Variants in GRHL2 observed in about 807,000 individuals in gnomAD.
GRHL2 encodes grainyhead like transcription factor 2.
Under a neutral mutation model 83.8 loss-of-function variants are expected in GRHL2, and 21 were observed. The observed-to-expected ratio is 0.25, with a 90% CI of 0.18 to 0.36. The LOEUF is 0.36. Ranked by LOEUF, GRHL2 falls within the 10% of genes least tolerant of loss-of-function variation. The pLI, the probability that GRHL2 is intolerant of heterozygous loss-of-function variation, is 1.00. For synonymous variants in GRHL2, 280 were observed against 278.9 expected, an observed-to-expected ratio of 1.00 and a Z score of -0.04; for missense variants, 623 against 781.8, an observed-to-expected ratio of 0.80 and a Z score of 2.42.
the GRHL2 span, among the ~76,000 whole-genome samples, chr8:101,680,942 T>C: frequency 8.3e-6 from 1 of 120,824 alleles, no homozygotes; most frequent in Non-Finnish European, 1.7e-5. Flanking sequence ...TAGAGGGAAA[T>C]TTATAGCACT....
At chr8:101,554,672 T>C (rs1293865703) in intron 3 of GRHL2, among the ~76,000 whole-genome samples, 1 of 152,252 alleles carries the variant, frequency 6.6e-6, no homozygotes, top group Non-Finnish European at 1.5e-5. Flanking sequence ...TATAGTATCA[T>C]TACAACTGTT....
intron 8 of GRHL2, among the ~76,000 whole-genome samples, chr8:101,616,808 G>A (rs1812866978): frequency 6.6e-6 from 1 of 152,160 alleles, no homozygotes; most frequent in Non-Finnish European, 1.5e-5. Flanking sequence ...TATATCTAAT[G>A]TTGTGTTTGA....
intron 8 of GRHL2, among the ~76,000 whole-genome samples, chr8:101,616,751 G>C (rs1812865488): frequency 6.6e-6 from 1 of 152,086 alleles, no homozygotes; most frequent in Admixed American, 6.5e-5. Context: ...CTCCCTCTTG[G>C]ACTGTCAGCT....
intron 13 of GRHL2, among the ~76,000 whole-genome samples, chr8:101,645,281 T>C (rs2096552): frequency 0.99 from 150,210 of 151,632 alleles, 74,461 homozygotes; most frequent in Middle Eastern, 1. Context: ...TATAGGTGTG[T>C]GCCACCACGC....
chr8:101,498,516 T>C (rs541840694), intron 1 of GRHL2, among the ~76,000 whole-genome samples: 3 of 152,312 alleles, frequency 2.0e-5, no homozygotes, highest in Middle Eastern at 3.4e-3. Flanking sequence ...TGGTCTCTGG[T>C]GAAATGATTT....
Position 101,636,811 on chromosome 8 carries a change from A to G in GRHL2, c.1486-86A>G. On this transcript the variant is annotated intron_variant, in intron 11 of 15. Transcript: ENST00000646743. Reference sequence around the variant, plus strand: ...CTTTTGCCTTTTTAAGAGACAGTTTATGCCTTAGGAAAGTCTGTACATCAC... The same window carrying G: ...CTTTTGCCTTTTTAAGAGACAGTTTGTGCCTTAGGAAAGTCTGTACATCAC... The G allele has an allele frequency of 1.4e-5, 16 of 1,149,872 alleles. No homozygotes were observed. In the South Asian group the frequency reaches 1.8e-4, roughly 13 times the overall value. The allele number at this position is 1,149,872 out of a possible 1,614,324, so 71.2% of individuals were successfully genotyped here.
intron 1 of GRHL2, among the ~76,000 whole-genome samples, chr8:101,537,583 T>A (rs926277145): frequency 1.3e-5 from 2 of 152,226 alleles, no homozygotes; most frequent in African/African-American, 4.8e-5. Context: ...AGATCTATAA[T>A]GCACCAAGCA....
At chr8:101,602,883 G>A (rs564344535) in intron 8 of GRHL2, among the ~76,000 whole-genome samples, 123 of 152,238 alleles carry the variant, frequency 8.1e-4, no homozygotes, top group African/African-American at 2.8e-3. Context: ...TTTCTGCCCC[G>A]GAGCTCAGAG....
chr8:101,600,383 C>T (rs886276552), intron 8 of GRHL2, among the ~76,000 whole-genome samples: 4 of 152,254 alleles, frequency 2.6e-5, no homozygotes, highest in African/African-American at 9.6e-5. Flanking sequence ...CATGTGCTTT[C>T]GGCACTTTGT....
At chr8:101,589,166 G>T (rs1812225895) in intron 7 of GRHL2, among the ~76,000 whole-genome samples, 1 of 152,184 alleles carries the variant, frequency 6.6e-6, no homozygotes, top group Non-Finnish European at 1.5e-5. Context: ...TTCATGCAGT[G>T]TTTTAAGCAT....
rs182936430 is a variant in GRHL2 at position 101,599,224 on chromosome 8, G to A, written c.1098+73G>A. 2,037 of 985,842 alleles carry A rather than the reference G, an allele frequency of 2.1e-3. 3 individuals carry two copies. Among genetic ancestry groups the A allele is most frequent in the Non-Finnish European group, 2.7e-3 (1,653 of 618,452 alleles). The allele number at this position is 985,842 out of a possible 1,614,324, so 61.1% of individuals were successfully genotyped here. ...CTCAGCAGTTTATTCTTTTTTAAAA[G>A]CCTGTATCAGTAGCCTCCTATTAAA... On this transcript the variant is annotated intron_variant, in intron 8 of 15. Coordinates refer to ENST00000646743, the MANE Select transcript of GRHL2 (RefSeq NM_024915.4).
chr8:101,656,915 C>T (rs1442428730), intron 14 of GRHL2, among the ~76,000 whole-genome samples: 2 of 151,278 alleles, frequency 1.3e-5, no homozygotes, highest in Non-Finnish European at 2.9e-5. Flanking sequence ...CAGGCAATGA[C>T]CGTGAGTGCT....
Position 101,603,521 on chromosome 8 carries a change from C to A in GRHL2, c.1098+4370C>A, listed in dbSNP as rs990927546. Among the ~76,000 whole-genome samples the A allele has an allele frequency of 2.0e-5, 3 of 152,270 alleles. No homozygotes were observed. In the East Asian group the frequency reaches 5.8e-4, roughly 29 times the overall value. ...AAAAGGAAAGACATGAAACTCTAATCATTTAATTTAATTAAATTATAGGAA... is the reference window on the plus strand; with the variant it reads ...AAAAGGAAAGACATGAAACTCTAATAATTTAATTTAATTAAATTATAGGAA... On this transcript the variant is annotated intron_variant, in intron 8 of 15. Transcript: ENST00000646743.
At chr8:101,678,125 T>G in the GRHL2 span, among the ~76,000 whole-genome samples, 2 of 152,028 alleles carry the variant, frequency 1.3e-5, no homozygotes, top group African/African-American at 4.8e-5. Context: ...GCTCCCAGCG[T>G]GAGCGACGCA....
At chr8:101,535,506 G>C (rs1017194502) in intron 1 of GRHL2, among the ~76,000 whole-genome samples, 2 of 152,062 alleles carry the variant, frequency 1.3e-5, no homozygotes, top group Non-Finnish European at 2.9e-5. Flanking sequence ...TCTTGGATCT[G>C]ACAGCTCAGT....
intron 4 of GRHL2, among the ~76,000 whole-genome samples, chr8:101,567,067 T>C (rs62519115): frequency 0.2 from 30,222 of 152,050 alleles, 3,273 homozygotes; most frequent in South Asian, 0.31. Flanking sequence ...GGTTTAGCAA[T>C]TTATGATTTC....
At chr8:101,614,489 G>T (rs937930479) in intron 8 of GRHL2, among the ~76,000 whole-genome samples, 2 of 143,700 alleles carry the variant, frequency 1.4e-5, no homozygotes, top group Admixed American at 1.3e-4. Flanking sequence ...CTTAACGCTT[G>T]GGAGACAGAT....
chr8:101,505,943 G>A (rs968931376), intron 1 of GRHL2, among the ~76,000 whole-genome samples: 7 of 152,158 alleles, frequency 4.6e-5, no homozygotes, highest in Admixed American at 3.3e-4. Flanking sequence ...CCGCTGCAGC[G>A]TATCCAAGTG....
chr8:101,510,531 G>T (rs1810440504), intron 1 of GRHL2, among the ~76,000 whole-genome samples: 1 of 151,956 alleles, frequency 6.6e-6, no homozygotes, highest in Non-Finnish European at 1.5e-5. Flanking sequence ...TGAATTAAGG[G>T]CCAGTGAGCG....
Sources: allele counts gnomAD v4.1 joint callset (sites outside exome capture counted in the v4.1 genomes callset), GRCh38; gene constraint gnomAD v4.1.1; transcripts MANE v1.5; gene names NCBI Gene and HGNC (gene_info 2026-07-23, HGNC 2026-07-21).